The following SLC22A25 variants were observed in gnomAD, a reference collection of about 807,000 sequenced individuals.
SLC22A25 encodes the protein solute carrier family 22 member 25.
A neutral mutation model predicts 45.9 loss-of-function variants in SLC22A25; 44 were observed. The ratio of observed to expected loss-of-function variants is 0.96; its 90% CI spans 0.75 to 1.23. SLC22A25 has a LOEUF of 1.23. Among genes scored for constraint, SLC22A25 ranks in the 50% most tolerant of loss-of-function variants. SLC22A25 has a pLI of 0.00. For missense variants in SLC22A25, 800 were observed against 666.4 expected (o/e 1.20, Z -2.21); for synonymous variants, 283 against 238.6 (o/e 1.19, Z -1.72).
At chr11:63,177,793 TTA>T (rs1007873505) in intron 9 of SLC22A25, among the ~76,000 whole-genome samples, 1 of 112,326 alleles carries the variant, frequency 8.9e-6, no homozygotes, top group Non-Finnish European at 1.9e-5. Flanking sequence ...ACATATCCGA[TTA>T]TATATATATC....
At chr11:63,237,178 T>G (rs1045429560) in intron 3 of SLC22A25, among the ~76,000 whole-genome samples, 1 of 152,120 alleles carries the variant, frequency 6.6e-6, no homozygotes, top group African/African-American at 2.4e-5. Context: ...CAATAGACAC[T>G]GTGGACTACT....
intron 9 of SLC22A25, among the ~76,000 whole-genome samples, chr11:63,172,748 A>G (rs11231392): frequency 1.3e-5 from 2 of 151,452 alleles, no homozygotes; most frequent in East Asian, 1.9e-4. Flanking sequence ...GGAGAAATAG[A>G]AACAATTTTA....
At chr11:63,195,135 A>G (rs1221821601) in intron 7 of SLC22A25, among the ~76,000 whole-genome samples, 1 of 151,896 alleles carries the variant, frequency 6.6e-6, no homozygotes. Context: ...AGACACTTAG[A>G]CTCCCACACA....
chr11:63,198,481 A>T (rs1008451109), intron 7 of SLC22A25, among the ~76,000 whole-genome samples: 1 of 152,182 alleles, frequency 6.6e-6, no homozygotes, highest in Non-Finnish European at 1.5e-5. Flanking sequence ...CAGAAAACCA[A>T]ACACCACATG....
At chr11:63,226,955 G>A (rs1299642865) in intron 5 of SLC22A25, among the ~76,000 whole-genome samples, 1 of 152,142 alleles carries the variant, frequency 6.6e-6, no homozygotes, top group Non-Finnish European at 1.5e-5. Flanking sequence ...ATACTTCCAG[G>A]GTGATTATTA....
intron 9 of SLC22A25, among the ~76,000 whole-genome samples, chr11:63,171,407 C>T (rs1399667354): frequency 6.6e-6 from 1 of 152,130 alleles, no homozygotes; most frequent in African/African-American, 2.4e-5. Context: ...ATTTAGAAAA[C>T]CCCATCATCT....
chr11:63,232,595 T>C (rs2134848799), intron 3 of SLC22A25, among the ~76,000 whole-genome samples: 1 of 152,316 alleles, frequency 6.6e-6, no homozygotes, highest in South Asian at 2.1e-4. Flanking sequence ...ACAATTTGAC[T>C]TCCTCTTTTC....
intron 9 of SLC22A25, among the ~76,000 whole-genome samples, chr11:63,178,287 C>T (rs974982846): frequency 2.6e-5 from 4 of 152,052 alleles, no homozygotes; most frequent in Non-Finnish European, 5.9e-5. Context: ...CATAGAAGTG[C>T]AGATATCTCT....
chr11:63,212,309 A>G (rs1158682206), intron 7 of SLC22A25, among the ~76,000 whole-genome samples: 2 of 152,114 alleles, frequency 1.3e-5, no homozygotes, highest in African/African-American at 2.4e-5. Context: ...CAGCCATCCC[A>G]TTACTGGATA....
chr11:63,190,970 T>C (rs2088787694), intron 7 of SLC22A25, among the ~76,000 whole-genome samples: 1 of 152,186 alleles, frequency 6.6e-6, no homozygotes, highest in Non-Finnish European at 1.5e-5. Flanking sequence ...GGGGGCTGCC[T>C]CCCAGTTAGG....
chr11:63,199,183 A>C (rs182237760), intron 7 of SLC22A25, among the ~76,000 whole-genome samples: 149 of 152,156 alleles, frequency 9.8e-4, no homozygotes, highest in African/African-American at 3.4e-3. Context: ...AAAAGAGAGA[A>C]GACTCAAATA....
chr11:63,217,755 T>C lies in SLC22A25; in HGVS notation c.507-20A>G. On this transcript the variant is annotated intron_variant, in intron 5 of 11. Coordinates refer to ENST00000306494, the MANE Select transcript of SLC22A25 (RefSeq NM_199352.6). ...CCAAACCTGAGAAACAGGGGCACAT[T>C]AGATAATGGGAACAATAACAACCTT... The C allele has an allele frequency of 6.3e-7, 1 of 1,588,318 alleles. No homozygotes were observed. The highest frequency in any genetic ancestry group is 1.9e-5 in the Admixed American group (1 of 53,170).
intron 9 of SLC22A25, among the ~76,000 whole-genome samples, chr11:63,171,507 A>G (rs2087884558): frequency 6.6e-6 from 1 of 152,240 alleles, no homozygotes; most frequent in African/African-American, 2.4e-5. Context: ...ATTCCTATTC[A>G]TCAACAATAG....
chr11:63,197,510 T>A, intron 7 of SLC22A25, among the ~76,000 whole-genome samples: 1 of 150,334 alleles, frequency 6.7e-6, no homozygotes, highest in East Asian at 2.0e-4. Flanking sequence ...TGGAGGAAAC[T>A]GGCTAGCCAT....
At chr11:63,230,166 C>T (rs1204852013) in intron 3 of SLC22A25, among the ~76,000 whole-genome samples, 70 bp from the exon 4 acceptor site, 1 of 152,178 alleles carries the variant, frequency 6.6e-6, no homozygotes, top group Non-Finnish European at 1.5e-5. Context: ...TTAATAAACA[C>T]AATCTGAGTT....
intron 10 of SLC22A25, among the ~76,000 whole-genome samples, chr11:63,164,849 A>G (rs1308889001): frequency 6.6e-6 from 1 of 152,200 alleles, no homozygotes; most frequent in Non-Finnish European, 1.5e-5. Flanking sequence ...AAAGGATCTG[A>G]GTTGATGCTT....
chr11:63,235,264 G>A (rs1042312852), intron 3 of SLC22A25, among the ~76,000 whole-genome samples: 32 of 152,232 alleles, frequency 2.1e-4, no homozygotes, highest in African/African-American at 5.5e-4. Flanking sequence ...CATTCTCCCC[G>A]TCACTTTCAG....
intron 9 of SLC22A25, chr11:63,166,806 A>G (rs1411417587): frequency 1.0e-6 from 1 of 983,684 alleles, no homozygotes; most frequent in Non-Finnish European, 1.2e-6. Context: ...ACCTATTTTT[A>G]TATTATGTAT....
At chr11:63,193,779 G>T (rs914689505) in intron 7 of SLC22A25, among the ~76,000 whole-genome samples, 3 of 152,214 alleles carry the variant, frequency 2.0e-5, no homozygotes, top group African/African-American at 7.2e-5. Flanking sequence ...GCAGCTCCCT[G>T]CCAGCAATGG....
Sources: gnomAD v4.1 joint callset for allele counts (sites outside exome capture counted in the v4.1 genomes callset) on GRCh38, gnomAD v4.1.1 for gene constraint, MANE v1.5 for transcripts, NCBI Gene and HGNC (gene_info 2026-07-23, HGNC 2026-07-21) for gene names.